The following LRRC4C variants were observed in gnomAD, a reference collection of about 807,000 sequenced individuals.
LRRC4C encodes leucine-rich repeat-containing protein 4C.
LRRC4C carries 5 observed loss-of-function variants against 33.6 expected under a neutral mutation model. The observed-to-expected ratio is 0.15, with a 90% CI of 0.08 to 0.31. LRRC4C has a LOEUF of 0.31. Among genes scored for constraint, LRRC4C ranks in the 10% least tolerant of loss-of-function variants. The pLI, the probability that LRRC4C is intolerant of heterozygous loss-of-function variation, is 1.00. For missense variants in LRRC4C, 560 were observed against 796.7 expected, an observed-to-expected ratio of 0.70 and a Z score of 3.58; for synonymous variants, 329 against 302.0, an observed-to-expected ratio of 1.09 and a Z score of -0.93.
intron 2 of LRRC4C, among the ~76,000 whole-genome samples, chr11:40,794,373 CAAAAAAAA>C (rs57476895): frequency 3.5e-4 from 27 of 77,214 alleles, no homozygotes; most frequent in South Asian, 1.1e-3. Flanking sequence ...TAAACGCCAG[CAAAAAAAA>C]AAAAAAAAAA....
At chr11:41,004,383 T>G (rs1259184988) in intron 1 of LRRC4C, among the ~76,000 whole-genome samples, 1 of 152,124 alleles carries the variant, frequency 6.6e-6, no homozygotes, top group African/African-American at 2.4e-5. Context: ...TACATCAACA[T>G]TATCAGCATC....
intron 1 of LRRC4C, among the ~76,000 whole-genome samples, chr11:41,244,493 C>T (rs1471387646): frequency 6.6e-6 from 1 of 152,154 alleles, no homozygotes; most frequent in Admixed American, 6.5e-5. Flanking sequence ...GAGGATAACA[C>T]TGATTGCTAT....
intron 2 of LRRC4C, among the ~76,000 whole-genome samples, chr11:40,832,400 G>A (rs552372059): frequency 3.3e-5 from 5 of 152,218 alleles, no homozygotes; most frequent in African/African-American, 9.6e-5. Context: ...TTAAACAAAT[G>A]TAAAGATACA....
intron 3 of LRRC4C, among the ~76,000 whole-genome samples, chr11:40,616,529 G>C (rs1027934239): frequency 6.6e-6 from 1 of 151,706 alleles, no homozygotes; most frequent in African/African-American, 2.4e-5. Flanking sequence ...AACAATGATA[G>C]ACTGGATTAA....
At chr11:40,441,558 A>T (rs2137968810) in intron 3 of LRRC4C, among the ~76,000 whole-genome samples, 1 of 152,328 alleles carries the variant, frequency 6.6e-6, no homozygotes, top group South Asian at 2.1e-4. Context: ...TTTAGAACAC[A>T]GGTTTATTTG....
chr11:40,993,342 C>G (rs1853721914), intron 1 of LRRC4C, among the ~76,000 whole-genome samples: 1 of 151,550 alleles, frequency 6.6e-6, no homozygotes, highest in South Asian at 2.1e-4. Flanking sequence ...CTTAGAGGAC[C>G]CCATGAAATT....
intron 1 of LRRC4C, among the ~76,000 whole-genome samples, chr11:41,041,023 T>A (rs1232328740): frequency 1.3e-5 from 2 of 152,162 alleles, no homozygotes; most frequent in African/African-American, 4.8e-5. Flanking sequence ...TGGAAAAGAT[T>A]GCCATTAAAA....
chr11:40,791,013 A>G (rs1950602573), intron 2 of LRRC4C, among the ~76,000 whole-genome samples: 1 of 152,196 alleles, frequency 6.6e-6, no homozygotes, highest in East Asian at 1.9e-4. Flanking sequence ...GAAAAATTCC[A>G]CACAATATGA....
intron 1 of LRRC4C, among the ~76,000 whole-genome samples, chr11:41,269,478 G>A (rs540545864): frequency 1.3e-5 from 2 of 152,126 alleles, no homozygotes; most frequent in South Asian, 4.2e-4. Flanking sequence ...ACTTGAACTG[G>A]AAAGAGAGCA....
chr11:40,520,162 C>T (rs534273781), intron 3 of LRRC4C, among the ~76,000 whole-genome samples: 3 of 152,324 alleles, frequency 2.0e-5, no homozygotes, highest in African/African-American at 7.2e-5. Flanking sequence ...CAACAAAACC[C>T]ATCTGAAATA....
At chr11:41,232,747 G>GACAC (rs34632647) in intron 1 of LRRC4C, among the ~76,000 whole-genome samples, 3,539 of 143,568 alleles carry the variant, frequency 0.025, 68 homozygotes, top group African/African-American at 0.047. Context: ...GTGTTATCAA[G>GACAC]ACACACACAC....
intron 2 of LRRC4C, among the ~76,000 whole-genome samples, chr11:40,909,651 G>A (rs989444056): frequency 2.0e-5 from 3 of 152,026 alleles, no homozygotes; most frequent in African/African-American, 7.2e-5. Flanking sequence ...GTTATATTAT[G>A]TATATTATGT....
At chr11:40,732,058 CCAA>C (rs74260773) in intron 2 of LRRC4C, among the ~76,000 whole-genome samples, 36 of 62,734 alleles carry the variant, frequency 5.7e-4, no homozygotes, top group Non-Finnish European at 7.3e-4. Flanking sequence ...CAAAAAAAAA[CCAA>C]AAAAAAAACA....
intron 6 of LRRC4C, among the ~76,000 whole-genome samples, chr11:40,118,770 GGGGTTGGTTACGTCAAACTTAA>G (rs1855617988): frequency 6.6e-6 from 1 of 152,140 alleles, no homozygotes; most frequent in African/African-American, 2.4e-5. Flanking sequence ...AAGACTCTTA[GGGGTTGGTTACGTCAAACTTAA>G]GAGTCCCAAT....
chr11:41,379,988 A>G (rs1178881627), intron 1 of LRRC4C, among the ~76,000 whole-genome samples: 2 of 151,978 alleles, frequency 1.3e-5, no homozygotes, highest in Non-Finnish European at 2.9e-5. Flanking sequence ...GCACACAAAC[A>G]CACACACACT....
At chr11:40,956,769 T>C (rs1958973347) in intron 1 of LRRC4C, among the ~76,000 whole-genome samples, 1 of 151,756 alleles carries the variant, frequency 6.6e-6, no homozygotes, top group Non-Finnish European at 1.5e-5. Flanking sequence ...CTCTCATCAA[T>C]ATAAACACTC....
intron 1 of LRRC4C, among the ~76,000 whole-genome samples, chr11:41,377,652 GA>G (rs1952987330): frequency 6.6e-6 from 1 of 152,152 alleles, no homozygotes; most frequent in South Asian, 2.1e-4. Context: ...TCTCCACTTA[GA>G]AAACATAGAT....
At chr11:40,690,649 A>G (rs931183357) in intron 2 of LRRC4C, among the ~76,000 whole-genome samples, 1 of 152,070 alleles carries the variant, frequency 6.6e-6, no homozygotes, top group African/African-American at 2.4e-5. Context: ...AAAAACCTCT[A>G]CATGTTTATG....
rs373081331 is a variant in LRRC4C at position 40,515,987 on chromosome 11, T to C, written c.-270+132155A>G. On this transcript the variant is annotated intron_variant, in intron 3 of 6. Coordinates refer to ENST00000528697, the MANE Select transcript of LRRC4C (RefSeq NM_001258419.2). ...TAACTCAGACCCTATTCATTCAGAA[T>C]GCGTGATAATTAAAAAGAGGTTTGA... is the stretch of plus-strand genomic sequence containing the variant. 2.1e-3 allele frequency among the ~76,000 whole-genome samples: 313 copies of C among 152,184 alleles called. 2 individuals are homozygous for C. Among genetic ancestry groups the C allele is most frequent in the Middle Eastern group, 6.8e-3 (2 of 294 alleles).
Sources: gnomAD v4.1 joint callset for allele counts (sites outside exome capture counted in the v4.1 genomes callset) on GRCh38, gnomAD v4.1.1 for gene constraint, MANE v1.5 for transcripts, NCBI Gene and HGNC (gene_info 2026-07-23, HGNC 2026-07-21) for gene names.